Variants in ELF1 observed in about 807,000 individuals in gnomAD.
ELF1 encodes E74 like ETS transcription factor 1.
A neutral mutation model predicts 59.9 loss-of-function variants in ELF1; 24 were observed. The observed-to-expected ratio is 0.40, with a 90% CI of 0.29 to 0.56. The LOEUF (loss-of-function observed/expected upper bound fraction) is 0.56. Ranked by LOEUF, ELF1 falls within the 20% of genes least tolerant of loss-of-function variation. The pLI is 0.44. For missense variants in ELF1, 627 were observed against 742.2 expected, an observed-to-expected ratio of 0.84 and a Z score of 1.80; for synonymous variants, 248 against 266.2, an observed-to-expected ratio of 0.93 and a Z score of 0.67.
chr13:41,028,059 C>A (rs1387019914), intron 1 of ELF1, among the ~76,000 whole-genome samples: 3 of 152,152 alleles, frequency 2.0e-5, no homozygotes, highest in East Asian at 3.8e-4. Context: ...CCATTACCCA[C>A]AAGCAAAATT....
intron 3 of ELF1, among the ~76,000 whole-genome samples, chr13:40,955,953 G>GC (rs1206373233): frequency 9.1e-6 from 1 of 109,768 alleles, no homozygotes; most frequent in African/African-American, 3.8e-5. Flanking sequence ...GGAGGCGGGG[G>GC]GGTCAGCCCC....
intron 2 of ELF1, among the ~76,000 whole-genome samples, chr13:40,959,222 C>T (rs1871654725): frequency 6.6e-6 from 1 of 152,020 alleles, no homozygotes; most frequent in Non-Finnish European, 1.5e-5. Context: ...GAAGGCTGGG[C>T]GCGGTGACTC....
At chr13:41,040,350 G>C (rs146044564) in intron 1 of ELF1, among the ~76,000 whole-genome samples, 3 of 152,186 alleles carry the variant, frequency 2.0e-5, no homozygotes, top group Non-Finnish European at 4.4e-5. Context: ...AAATCTCCAG[G>C]ACATATTTAA....
At chr13:41,008,231 G>C (rs1385981503) in intron 1 of ELF1, among the ~76,000 whole-genome samples, 2 of 152,138 alleles carry the variant, frequency 1.3e-5, no homozygotes, top group African/African-American at 4.8e-5. Context: ...CGACCTGTGA[G>C]CCAAACTAGC....
chr13:40,945,207 A>C (rs948096599), intron 5 of ELF1, among the ~76,000 whole-genome samples: 2 of 152,106 alleles, frequency 1.3e-5, no homozygotes, highest in South Asian at 4.1e-4. Flanking sequence ...CTTTATTTCC[A>C]CTACTTTCCT....
intron 1 of ELF1, among the ~76,000 whole-genome samples, chr13:41,003,536 A>G (rs1373858691): frequency 6.6e-6 from 1 of 152,212 alleles, no homozygotes; most frequent in African/African-American, 2.4e-5. Flanking sequence ...TCTAAGCTAA[A>G]GTCCTATTTG....
intron 1 of ELF1, among the ~76,000 whole-genome samples, chr13:41,013,372 A>G (rs1282968785): frequency 1.3e-5 from 2 of 152,230 alleles, no homozygotes; most frequent in Non-Finnish European, 2.9e-5. Flanking sequence ...GAGAGAATAA[A>G]TACATTCTGG....
intron 1 of ELF1, among the ~76,000 whole-genome samples, chr13:40,997,182 T>G (rs950771183): frequency 1.2e-4 from 18 of 152,308 alleles, no homozygotes; most frequent in African/African-American, 4.3e-4. Context: ...AACTTCCTGC[T>G]CCCTGTGTGA....
At chr13:40,977,125 C>T (rs1407163791) in intron 2 of ELF1, among the ~76,000 whole-genome samples, 1 of 151,954 alleles carries the variant, frequency 6.6e-6, no homozygotes, top group Non-Finnish European at 1.5e-5. Flanking sequence ...AAGCATTAAA[C>T]TATGCCGGCT....
intron 1 of ELF1, among the ~76,000 whole-genome samples, chr13:41,018,487 T>C (rs1351289445): frequency 6.6e-6 from 1 of 152,156 alleles, no homozygotes; most frequent in Non-Finnish European, 1.5e-5. Flanking sequence ...TCTAAGGTTG[T>C]TACTCAGAAC....
At chr13:41,039,132 G>C (rs774740998) in intron 1 of ELF1, among the ~76,000 whole-genome samples, 1 of 151,842 alleles carries the variant, frequency 6.6e-6, no homozygotes, top group Non-Finnish European at 1.5e-5. Context: ...AGGTACAGTG[G>C]CTCACATCTG....
chr13:41,060,332 G>T (rs1296515730), intron 1 of ELF1, among the ~76,000 whole-genome samples: 6 of 151,434 alleles, frequency 4.0e-5, no homozygotes, highest in Non-Finnish European at 3.0e-5. Flanking sequence ...GTCCTGCATA[G>T]GAAGAGTCGC....
chr13:41,034,441 A>C (rs1876292102), intron 1 of ELF1, among the ~76,000 whole-genome samples: 1 of 152,228 alleles, frequency 6.6e-6, no homozygotes, highest in South Asian at 2.1e-4. Context: ...GCTATTTAAG[A>C]AACTCTTTTC....
intron 1 of ELF1, among the ~76,000 whole-genome samples, chr13:41,053,812 T>A (rs1002191683): frequency 2.0e-5 from 3 of 152,230 alleles, no homozygotes; most frequent in Non-Finnish European, 4.4e-5. Flanking sequence ...CAAACTAGTA[T>A]AATTTGTGAG....
At chr13:40,989,556 AT>A (rs1313133172) in intron 1 of ELF1, among the ~76,000 whole-genome samples, 8 of 152,124 alleles carry the variant, frequency 5.3e-5, no homozygotes, top group African/African-American at 1.2e-4. Context: ...TTTTTAATTA[AT>A]TTTTTTATTG....
chr13:41,029,856 G>C (rs1366059211), intron 1 of ELF1, among the ~76,000 whole-genome samples: 2 of 152,110 alleles, frequency 1.3e-5, no homozygotes, highest in African/African-American at 4.8e-5. Flanking sequence ...AACTGAGACA[G>C]GAAAGATGAC....
intron 1 of ELF1, among the ~76,000 whole-genome samples, chr13:41,028,094 A>T (rs1876011727): frequency 6.6e-6 from 1 of 152,190 alleles, no homozygotes; most frequent in Non-Finnish European, 1.5e-5. Flanking sequence ...CCGTAACTTT[A>T]TGCTCTTTTG....
chr13:41,022,943 AAGGAAGGG>A (rs754788862), upstream of ELF1, among the ~76,000 whole-genome samples: 11 of 152,284 alleles, frequency 7.2e-5, no homozygotes, highest in South Asian at 2.1e-4. Flanking sequence ...GAAAGAAAGA[AAGGAAGGG>A]AGGAAGGGAG....
At chr13:41,030,182 A>C (rs1341064074) in intron 1 of ELF1, among the ~76,000 whole-genome samples, 1 of 152,144 alleles carries the variant, frequency 6.6e-6, no homozygotes, top group Admixed American at 6.6e-5. Context: ...CATAACAACA[A>C]AGAAGGCTAA....
Sources: allele counts gnomAD v4.1 joint callset (sites outside exome capture counted in the v4.1 genomes callset), GRCh38; gene constraint gnomAD v4.1.1; transcripts MANE v1.5; gene names NCBI Gene and HGNC (gene_info 2026-07-23, HGNC 2026-07-21).